The following CADM2 variants were observed in gnomAD, a reference collection of about 807,000 sequenced individuals.
CADM2 encodes the protein immunoglobulin superfamily member 4D.
CADM2 carries 12 observed loss-of-function variants against 49.8 expected under a neutral mutation model. The ratio of observed to expected loss-of-function variants is 0.24; its 90% CI spans 0.15 to 0.39. The LOEUF (loss-of-function observed/expected upper bound fraction) is 0.39. Ranked by LOEUF, CADM2 falls within the 10% of genes least tolerant of loss-of-function variation. The pLI, the probability that CADM2 is intolerant of heterozygous loss-of-function variation, is 1.00. For missense variants in CADM2, 378 were observed against 492.3 expected (o/e 0.77, Z 2.20); for synonymous variants, 214 against 175.4 (o/e 1.22, Z -1.74).
chr3:85,627,612 C>G (rs1319325948), intron 1 of CADM2, among the ~76,000 whole-genome samples: 2 of 151,802 alleles, frequency 1.3e-5, no homozygotes, highest in Non-Finnish European at 2.9e-5. Flanking sequence ...ACCCGGGGTG[C>G]TCAAACAAAG....
chr3:84,989,575 C>T (rs2032768875), intron 1 of CADM2, among the ~76,000 whole-genome samples: 1 of 152,004 alleles, frequency 6.6e-6, no homozygotes, highest in African/African-American at 2.4e-5. Context: ...CAAGTGCTTG[C>T]TTAGCTAATG....
At chr3:85,245,381 G>A (rs1402653538) in intron 1 of CADM2, among the ~76,000 whole-genome samples, 2 of 151,870 alleles carry the variant, frequency 1.3e-5, no homozygotes, top group East Asian at 1.9e-4. Flanking sequence ...GTGTGGTGAC[G>A]GGCGCCTGTA....
intron 1 of CADM2, among the ~76,000 whole-genome samples, chr3:85,576,708 CAAATCT>C (rs2062641989): frequency 6.6e-6 from 1 of 152,012 alleles, no homozygotes; most frequent in Non-Finnish European, 1.5e-5. Flanking sequence ...AGTCGTATTT[CAAATCT>C]CAAATTTTTG....
chr3:85,295,684 G>T (rs1227181326), intron 1 of CADM2, among the ~76,000 whole-genome samples: 4 of 151,802 alleles, frequency 2.6e-5, no homozygotes, highest in Middle Eastern at 3.4e-3. Context: ...GTAAACTATC[G>T]CAAGAACAAA....
intron 1 of CADM2, among the ~76,000 whole-genome samples, chr3:85,476,254 T>A (rs1407659492): frequency 2.0e-5 from 3 of 151,890 alleles, no homozygotes; most frequent in African/African-American, 7.2e-5. Flanking sequence ...TCTTCATACA[T>A]CTTTATAAAT....
chr3:85,307,556 A>G (rs1015105583), intron 1 of CADM2, among the ~76,000 whole-genome samples: 29 of 151,782 alleles, frequency 1.9e-4, no homozygotes, highest in African/African-American at 6.0e-4. Context: ...ATAATTTCCA[A>G]TGCTGCAATT....
At chr3:85,056,485 A>AGTTCTTTGGTGTATATC (rs2036084795) in intron 1 of CADM2, among the ~76,000 whole-genome samples, 1 of 152,092 alleles carries the variant, frequency 6.6e-6, no homozygotes, top group Middle Eastern at 3.2e-3. Flanking sequence ...TTATAAGTAC[A>AGTTCTTTGGTGTATATC]TATTGAAATA....
intron 1 of CADM2, among the ~76,000 whole-genome samples, chr3:85,252,196 CAT>C (rs2042792178): frequency 6.6e-6 from 1 of 151,938 alleles, no homozygotes; most frequent in Non-Finnish European, 1.5e-5. Context: ...TATAATTTAT[CAT>C]AAATGCTAAG....
At chr3:85,777,616 C>T (rs949522358) in intron 2 of CADM2, among the ~76,000 whole-genome samples, 2 of 152,096 alleles carry the variant, frequency 1.3e-5, no homozygotes, top group African/African-American at 4.8e-5. Context: ...TCCTATATTC[C>T]TCTACTATTC....
rs372600595 is a variant in CADM2 at position 84,980,563 on chromosome 3, A to C, written c.61+20895A>C. Among the ~76,000 whole-genome samples the C allele has an allele frequency of 3.3e-5, 5 of 152,316 alleles. No homozygotes were observed. In the East Asian group the frequency reaches 7.7e-4, roughly 24 times the overall value. On this transcript the variant is annotated intron_variant, in intron 1 of 9. Transcript: ENST00000383699. ...TTAAATTCCTGGCAAGATAATAATA[A>C]GAAGAGCTACCGTTTTATGTTGTAC... is the stretch of plus-strand genomic sequence containing the variant.
rs146521510 is a variant in CADM2 at position 85,903,988 on chromosome 3, T to A, written c.530-8385T>A. Among the ~76,000 whole-genome samples, 685 of 152,264 alleles carry A rather than the reference T, an allele frequency of 4.5e-3. 5 individuals are homozygous for A. Among genetic ancestry groups the A allele is most frequent in the African/African-American group, 0.015 (618 of 41,548 alleles). ...GGAAGGCCGTTGCTAGTTGTCTTTT[T>A]CTCTGGTTTTCTTTTATAAACTATG... On this transcript the variant is annotated intron_variant, in intron 5 of 9. Transcript: ENST00000383699.
intron 1 of CADM2, among the ~76,000 whole-genome samples, chr3:85,296,922 G>T (rs1304816960): frequency 6.6e-6 from 1 of 151,832 alleles, no homozygotes; most frequent in Non-Finnish European, 1.5e-5. Context: ...AATAGAGTAT[G>T]TTTTTTGCTC....
chr3:85,360,855 C>A (rs2107278163), intron 1 of CADM2, among the ~76,000 whole-genome samples: 1 of 152,234 alleles, frequency 6.6e-6, no homozygotes, highest in South Asian at 2.1e-4. Flanking sequence ...GTAGGTCTCA[C>A]TGAGCCACTC....
intron 5 of CADM2, among the ~76,000 whole-genome samples, chr3:85,900,943 C>A (rs879009839): frequency 6.6e-6 from 1 of 152,130 alleles, no homozygotes; most frequent in Admixed American, 6.5e-5. Flanking sequence ...TGGCTAATGA[C>A]CTTCTTTGAA....
intron 1 of CADM2, among the ~76,000 whole-genome samples, chr3:85,149,082 C>A (rs554986172): frequency 6.0e-5 from 9 of 150,720 alleles, no homozygotes; most frequent in African/African-American, 2.2e-4. Context: ...AGTCAAACAT[C>A]ATTTTTATGG....
At chr3:85,187,660 A>G (rs2041097039) in intron 1 of CADM2, among the ~76,000 whole-genome samples, 1 of 152,102 alleles carries the variant, frequency 6.6e-6, no homozygotes, top group Non-Finnish European at 1.5e-5. Context: ...GAGTAATATC[A>G]AAATTTAAAG....
intron 1 of CADM2, among the ~76,000 whole-genome samples, chr3:85,670,740 C>T (rs9844720): frequency 0.79 from 119,953 of 152,128 alleles, 48,103 homozygotes; most frequent in African/African-American, 0.94. Context: ...AGATATATGA[C>T]ACAAAGAAGA....
At chr3:85,582,199 CT>C (rs1228506739) in intron 1 of CADM2, among the ~76,000 whole-genome samples, 6 of 152,162 alleles carry the variant, frequency 3.9e-5, no homozygotes, top group Non-Finnish European at 7.3e-5. Context: ...GCTGGGATTA[CT>C]GTCCTGAGCC....
chr3:85,835,244 G>A (rs1021670444), intron 3 of CADM2, among the ~76,000 whole-genome samples: 6 of 150,552 alleles, frequency 4.0e-5, no homozygotes, highest in African/African-American at 1.5e-4. Context: ...TATTTTGATA[G>A]CTTTTAAAAA....
Sources: gnomAD v4.1 joint callset for allele counts (sites outside exome capture counted in the v4.1 genomes callset) on GRCh38, gnomAD v4.1.1 for gene constraint, MANE v1.5 for transcripts, NCBI Gene and HGNC (gene_info 2026-07-23, HGNC 2026-07-21) for gene names.